Variants in UMAD1 observed in about 807,000 individuals in gnomAD.
UMAD1 encodes the protein UBAP1-MVB12-associated (UMA)-domain containing protein 1.
A neutral mutation model predicts 6.1 loss-of-function variants in UMAD1; 8 were observed. That is an observed-to-expected ratio of 1.30 (90% CI 0.76 to 2.35). The LOEUF (loss-of-function observed/expected upper bound fraction) is 2.35. Among genes scored for constraint, UMAD1 ranks in the 30% most tolerant of loss-of-function variants. The probability of loss-of-function intolerance (pLI) is 0.00; values close to 1 mark genes in which losing one functional copy is unlikely to be tolerated. For missense variants in UMAD1, 130 were observed against 78.4 expected (o/e 1.66, Z -2.49); for synonymous variants, 56 against 31.4 (o/e 1.78, Z -2.61).
intron 3 of UMAD1, among the ~76,000 whole-genome samples, chr7:7,806,421 G>A (rs1184485741): frequency 6.6e-6 from 1 of 152,098 alleles, no homozygotes; most frequent in Admixed American, 6.5e-5. Flanking sequence ...TCACTATAGT[G>A]CAGGTTTTTG....
chr7:7,804,886 CAGG>C (rs768219667), intron 3 of UMAD1, among the ~76,000 whole-genome samples: 8 of 152,046 alleles, frequency 5.3e-5, no homozygotes, highest in Non-Finnish European at 1.0e-4. Context: ...GAGGCTGAGG[CAGG>C]AGAATTGCTT....
At chr7:7,826,010 T>A (rs1158111930) in intron 3 of UMAD1, among the ~76,000 whole-genome samples, 1 of 152,152 alleles carries the variant, frequency 6.6e-6, no homozygotes, top group Non-Finnish European at 1.5e-5. Flanking sequence ...ATATAAATAG[T>A]TGTTATGATG....
At chr7:7,664,165 G>C (rs1265068487) in intron 1 of UMAD1, among the ~76,000 whole-genome samples, 1 of 152,132 alleles carries the variant, frequency 6.6e-6, no homozygotes, top group Non-Finnish European at 1.5e-5. Context: ...GATTGAAATG[G>C]AATTTACTAT....
chr7:7,720,750 C>T (rs1781031525), intron 2 of UMAD1, among the ~76,000 whole-genome samples: 1 of 152,056 alleles, frequency 6.6e-6, no homozygotes, highest in Non-Finnish European at 1.5e-5. Context: ...AATTAAGAGC[C>T]TTCAGTGAAG....
chr7:7,661,779 G>T (rs1034371426), intron 1 of UMAD1, among the ~76,000 whole-genome samples: 1 of 152,152 alleles, frequency 6.6e-6, no homozygotes, highest in Non-Finnish European at 1.5e-5. Context: ...CAGGAGACAT[G>T]GGTGTCAGGG....
intron 3 of UMAD1, among the ~76,000 whole-genome samples, chr7:7,858,508 T>A (rs1784060307): frequency 6.6e-6 from 1 of 152,222 alleles, no homozygotes; most frequent in South Asian, 2.1e-4. Context: ...GTTGAAACCA[T>A]AGCAATGATT....
At chr7:7,783,238 T>C (rs1336480552) in intron 2 of UMAD1, among the ~76,000 whole-genome samples, 1 of 152,240 alleles carries the variant, frequency 6.6e-6, no homozygotes, top group East Asian at 1.9e-4. Context: ...TTACAGATAG[T>C]TGTAACTTCC....
intron 2 of UMAD1, among the ~76,000 whole-genome samples, chr7:7,769,133 C>G (rs1393724793): frequency 7.9e-5 from 12 of 152,104 alleles, no homozygotes; most frequent in Non-Finnish European, 8.8e-5. Flanking sequence ...CTGCAATTTG[C>G]ACATTTGGGC....
At chr7:7,647,966 G>A (rs1785135059) in intron 1 of UMAD1, among the ~76,000 whole-genome samples, 1 of 152,128 alleles carries the variant, frequency 6.6e-6, no homozygotes, top group African/African-American at 2.4e-5. Context: ...CTGTGTTTTG[G>A]TTAGAATTTA....
At chr7:7,837,086 G>T (rs1783585976) in intron 3 of UMAD1, among the ~76,000 whole-genome samples, 1 of 151,924 alleles carries the variant, frequency 6.6e-6, no homozygotes, top group South Asian at 2.1e-4. Flanking sequence ...GACCTTAAAA[G>T]ACTGCCTTAA....
intron 3 of UMAD1, among the ~76,000 whole-genome samples, chr7:7,816,562 A>T (rs542221403): frequency 6.6e-6 from 1 of 152,330 alleles, no homozygotes; most frequent in South Asian, 2.1e-4. Flanking sequence ...GCATTCAAGG[A>T]CATTCTTTGG....
chr7:7,775,444 C>A (rs1319533621), intron 2 of UMAD1, among the ~76,000 whole-genome samples: 4 of 152,208 alleles, frequency 2.6e-5, no homozygotes, highest in Non-Finnish European at 5.9e-5. Flanking sequence ...ATTTTCCCTG[C>A]TGTCTCTCAT....
At chr7:7,711,478 G>C (rs986321929) in intron 2 of UMAD1, among the ~76,000 whole-genome samples, 2 of 152,026 alleles carry the variant, frequency 1.3e-5, no homozygotes, top group Non-Finnish European at 2.9e-5. Context: ...TAAGGATATT[G>C]TACTTCAAGG....
At chr7:7,693,301 A>ATCTATCTG (rs1325418921) in intron 2 of UMAD1, among the ~76,000 whole-genome samples, 1 of 146,124 alleles carries the variant, frequency 6.8e-6, no homozygotes, top group Non-Finnish European at 1.5e-5. Context: ...ATCTTTATCT[A>ATCTATCTG]TCTATCTATC....
chr7:7,848,450 G>A (rs1238885129), intron 3 of UMAD1, among the ~76,000 whole-genome samples: 1 of 152,112 alleles, frequency 6.6e-6, no homozygotes, highest in Non-Finnish European at 1.5e-5. Flanking sequence ...GGTGTCTAAA[G>A]TGTTCACAGT....
chr7:7,742,469 C>T (rs941628134), intron 2 of UMAD1: 1 of 532,494 alleles, frequency 1.9e-6, no homozygotes, highest in Non-Finnish European at 3.7e-6. Context: ...TGGTTGTGGA[C>T]ACCTTTCAAC....
intron 2 of UMAD1, among the ~76,000 whole-genome samples, chr7:7,705,542 C>G (rs1160891991): frequency 6.6e-6 from 1 of 152,122 alleles, no homozygotes; most frequent in Non-Finnish European, 1.5e-5. Flanking sequence ...TCATCTGGCT[C>G]TAAGTACTAT....
chr7:7,837,328 G>A (rs890610565), intron 3 of UMAD1, among the ~76,000 whole-genome samples: 4 of 152,090 alleles, frequency 2.6e-5, no homozygotes, highest in African/African-American at 9.7e-5. Flanking sequence ...CAGGCTGAAG[G>A]AAAATGATCC....
intron 1 of UMAD1, among the ~76,000 whole-genome samples, chr7:7,662,756 T>C (rs1025815140): frequency 6.6e-6 from 1 of 152,210 alleles, no homozygotes; most frequent in African/African-American, 2.4e-5. Context: ...GCTGTTGCTA[T>C]TCGGCCATCT....
Sources: allele counts gnomAD v4.1 joint callset (sites outside exome capture counted in the v4.1 genomes callset), GRCh38; gene constraint gnomAD v4.1.1; transcripts MANE v1.5; gene names NCBI Gene and HGNC (gene_info 2026-07-23, HGNC 2026-07-21).